EPHA5: variants seen among roughly 807,000 people sequenced by gnomAD.
EPHA5 encodes EPH receptor A5.
A neutral mutation model predicts 105.0 loss-of-function variants in EPHA5; 60 were observed. The ratio of observed to expected loss-of-function variants is 0.57; its 90% CI spans 0.46 to 0.71. The LOEUF (loss-of-function observed/expected upper bound fraction) is 0.71, where lower values mean the gene tolerates loss of function less well. Among genes scored for constraint, EPHA5 ranks in the 30% least tolerant of loss-of-function variants. The probability of loss-of-function intolerance (pLI) is 0.00; values close to 1 mark genes in which losing one functional copy is unlikely to be tolerated. For synonymous variants in EPHA5, 513 were observed against 449.1 expected (o/e 1.14, Z -1.80); for missense variants, 1,218 against 1,274.7 (o/e 0.96, Z 0.68).
chr4:65,401,330 A>G (rs1721798077), intron 8 of EPHA5, among the ~76,000 whole-genome samples: 1 of 152,138 alleles, frequency 6.6e-6, no homozygotes, highest in Non-Finnish European at 1.5e-5. Context: ...AATAAAAATT[A>G]CAAAGTTTAT....
chr4:65,408,028 T>G (rs1317715274), intron 7 of EPHA5, among the ~76,000 whole-genome samples: 1 of 152,164 alleles, frequency 6.6e-6, no homozygotes, highest in Non-Finnish European at 1.5e-5. Flanking sequence ...ACCTCAGGTT[T>G]TAATTACTAA....
intron 8 of EPHA5, among the ~76,000 whole-genome samples, chr4:65,399,002 C>T (rs370250363): frequency 1.3e-5 from 2 of 152,312 alleles, no homozygotes; most frequent in African/African-American, 4.8e-5. Context: ...AGGGCTAAAA[C>T]ACGCCTCTCA....
Position 65,601,774 on chromosome 4 carries a change from T to C in EPHA5, c.777A>G (p.Ser259=), listed in dbSNP as rs574341111. The change falls in exon 3 of 17, where the codon TCA becomes TCG. Residue 259 remains serine, a synonymous_variant. Coordinates refer to ENST00000613740, the MANE Select transcript of EPHA5 (RefSeq NM_001281766.3). The part of the protein sequence containing the change: ...GADSSQLLEV[S]GSCVNHSVTD... ...TCACAGAATGGTTGACACAGGAGCCTGACACTTCGAGCAATTGGGAAGAAT... is the reference window on the plus strand; with the variant it reads ...TCACAGAATGGTTGACACAGGAGCCCGACACTTCGAGCAATTGGGAAGAAT... The C allele has an allele frequency of 1.2e-6, 2 of 1,614,164 alleles. No homozygotes were observed. Among genetic ancestry groups the C allele is most frequent in the African/African-American group, 2.7e-5 (2 of 75,048 alleles).
chr4:65,622,699 AC>A (rs1431250544), intron 2 of EPHA5, among the ~76,000 whole-genome samples: 5 of 152,052 alleles, frequency 3.3e-5, no homozygotes, highest in African/African-American at 1.2e-4. Flanking sequence ...ACTTAAGGTA[AC>A]CTTTGAATTT....
chr4:65,639,856 G>C (rs1747481883), intron 2 of EPHA5, among the ~76,000 whole-genome samples: 1 of 152,104 alleles, frequency 6.6e-6, no homozygotes, highest in Non-Finnish European at 1.5e-5. Context: ...CAAATCTGCT[G>C]TTAAGGCTGT....
chr4:65,474,362 G>T (rs1224604096), intron 5 of EPHA5, among the ~76,000 whole-genome samples: 1 of 151,826 alleles, frequency 6.6e-6, no homozygotes, highest in Non-Finnish European at 1.5e-5. Context: ...CATTAAATAG[G>T]CAGATACAAC....
At chr4:65,589,875 A>G (rs978230640) in intron 3 of EPHA5, among the ~76,000 whole-genome samples, 1 of 152,192 alleles carries the variant, frequency 6.6e-6, no homozygotes, top group Non-Finnish European at 1.5e-5. Context: ...GTGAAATCAC[A>G]TCACATGACT....
chr4:65,588,215 A>T (rs1258567503), intron 3 of EPHA5, among the ~76,000 whole-genome samples: 1 of 152,136 alleles, frequency 6.6e-6, no homozygotes, highest in Admixed American at 6.6e-5. Flanking sequence ...GCTTTTTGCA[A>T]ATGTGTCAAC....
chr4:65,406,191 C>A (rs1209208973), intron 7 of EPHA5, among the ~76,000 whole-genome samples: 1 of 152,094 alleles, frequency 6.6e-6, no homozygotes, highest in African/African-American at 2.4e-5. Flanking sequence ...CAGATATCAC[C>A]TTTAGGGAGA....
At chr4:65,662,655 T>C (rs1749650840) in intron 1 of EPHA5, among the ~76,000 whole-genome samples, 1 of 152,162 alleles carries the variant, frequency 6.6e-6, no homozygotes, top group African/African-American at 2.4e-5. Flanking sequence ...TGGGGTTTTA[T>C]CTTCAGGGTC....
intron 3 of EPHA5, among the ~76,000 whole-genome samples, chr4:65,530,454 TTG>T (rs1735663643): frequency 6.6e-6 from 1 of 151,864 alleles, no homozygotes; most frequent in Non-Finnish European, 1.5e-5. Context: ...GATGTGTTTG[TTG>T]TGTGTGTTTG....
chr4:65,643,778 C>T (rs934647048), intron 1 of EPHA5, among the ~76,000 whole-genome samples: 9 of 151,606 alleles, frequency 5.9e-5, no homozygotes, highest in East Asian at 3.9e-4. Flanking sequence ...GTACAAAGCT[C>T]GAGGTTTTGG....
At chr4:65,431,242 A>G (rs1055040210) in intron 5 of EPHA5, among the ~76,000 whole-genome samples, 2 of 152,232 alleles carry the variant, frequency 1.3e-5, no homozygotes, top group East Asian at 1.9e-4. Flanking sequence ...TGCAAATTCA[A>G]TTTTCTCTAC....
chr4:65,562,643 A>G (rs1273825807), intron 3 of EPHA5, among the ~76,000 whole-genome samples: 1 of 152,068 alleles, frequency 6.6e-6, no homozygotes, highest in Non-Finnish European at 1.5e-5. Context: ...ATACCAAGAC[A>G]TTCTTGACAT....
At chr4:65,351,906 A>G (rs1186372991) in intron 12 of EPHA5, among the ~76,000 whole-genome samples, 2 of 152,044 alleles carry the variant, frequency 1.3e-5, no homozygotes, top group Non-Finnish European at 2.9e-5. Flanking sequence ...ACTCCAACCT[A>G]GTATCTGCCT....
rs1404137485 is a variant in EPHA5 at position 65,491,708 on chromosome 4, T to C, written c.1067-996A>G. 1.1e-4 allele frequency among the ~76,000 whole-genome samples: 17 copies of C among 152,068 alleles called. 1 individual carries two copies. On this transcript the variant is annotated intron_variant, in intron 4 of 16. Coordinates refer to ENST00000613740, the MANE Select transcript of EPHA5 (RefSeq NM_001281766.3). ...CATCTTATTTCAATAAGATGGAATA[T>C]TTCCACTAAAATATGAGTAATGAAA... is the stretch of plus-strand genomic sequence containing the variant.
At chr4:65,624,441 G>A (rs1280224066) in intron 2 of EPHA5, among the ~76,000 whole-genome samples, 1 of 152,038 alleles carries the variant, frequency 6.6e-6, no homozygotes, top group Non-Finnish European at 1.5e-5. Context: ...CTACAGACAG[G>A]GGCAAGAACT....
At chr4:65,527,637 C>T (rs990571459) in intron 3 of EPHA5, among the ~76,000 whole-genome samples, 1 of 151,948 alleles carries the variant, frequency 6.6e-6, no homozygotes, top group African/African-American at 2.4e-5. Context: ...TAATAACTGC[C>T]GGCTACTGGA....
intron 3 of EPHA5, among the ~76,000 whole-genome samples, chr4:65,537,318 G>A (rs1420995096): frequency 1.3e-5 from 2 of 151,630 alleles, no homozygotes; most frequent in Non-Finnish European, 3.0e-5. Flanking sequence ...ATATAACTAT[G>A]TGGTGAGAGA....
Sources: allele counts gnomAD v4.1 joint callset (sites outside exome capture counted in the v4.1 genomes callset), GRCh38; gene constraint gnomAD v4.1.1; transcripts MANE v1.5; gene names NCBI Gene and HGNC (gene_info 2026-07-23, HGNC 2026-07-21).